The following NTNG2 variants were observed in gnomAD, a reference collection of about 807,000 sequenced individuals.
NTNG2 encodes the protein netrin G2.
A neutral mutation model predicts 47.6 loss-of-function variants in NTNG2; 15 were observed. The observed-to-expected ratio is 0.32, with a 90% CI of 0.21 to 0.49. NTNG2 has a LOEUF of 0.49. Ranked by LOEUF, NTNG2 falls within the 20% of genes least tolerant of loss-of-function variation. NTNG2 has a pLI of 0.99. For missense variants in NTNG2, 578 were observed against 764.6 expected (o/e 0.76, Z 2.88); for synonymous variants, 307 against 324.6 (o/e 0.95, Z 0.58).
At chr9:132,189,575 G>T (rs960373701) in intron 2 of NTNG2, among the ~76,000 whole-genome samples, 2 of 152,118 alleles carry the variant, frequency 1.3e-5, no homozygotes, top group South Asian at 4.1e-4. Context: ...CTTCAGGGAA[G>T]AAGGGCAGGG....
At chr9:132,195,127 T>G (rs1316405074) in intron 2 of NTNG2, among the ~76,000 whole-genome samples, 2 of 152,358 alleles carry the variant, frequency 1.3e-5, no homozygotes, top group South Asian at 4.1e-4. Flanking sequence ...CTTTCATTCA[T>G]TAATAGACTT....
At chr9:132,164,430 C>G (rs1835348917) in intron 1 of NTNG2, among the ~76,000 whole-genome samples, 2 of 152,156 alleles carry the variant, frequency 1.3e-5, no homozygotes, top group African/African-American at 4.8e-5. Flanking sequence ...CTGCGCCCTC[C>G]TTGCAAGCCG....
At chr9:132,179,094 C>T (rs1836727270) in intron 2 of NTNG2, among the ~76,000 whole-genome samples, 1 of 152,158 alleles carries the variant, frequency 6.6e-6, no homozygotes, top group South Asian at 2.1e-4. Context: ...ACCCTGGAGG[C>T]TCCACCCCAG....
At chr9:132,174,171 C>T (rs1264242382) in intron 2 of NTNG2, among the ~76,000 whole-genome samples, 11 of 144,536 alleles carry the variant, frequency 7.6e-5, no homozygotes, top group South Asian at 2.2e-4. Context: ...GACGGACGGA[C>T]GGACAGGCAG....
At chr9:132,216,412 CTCTGTGTGTGTGTGTA>C (rs1348914476) in intron 3 of NTNG2, among the ~76,000 whole-genome samples, 7 of 91,104 alleles carry the variant, frequency 7.7e-5, no homozygotes, top group South Asian at 3.6e-4. Flanking sequence ...CTCTCTCTCT[CTCTGTGTGTGTGTGTA>C]TGTGTGTGTG....
intron 2 of NTNG2, among the ~76,000 whole-genome samples, chr9:132,171,382 C>A (rs1361708060): frequency 6.6e-6 from 1 of 152,198 alleles, no homozygotes; most frequent in Non-Finnish European, 1.5e-5. Context: ...TTGGCAGAGA[C>A]TGTAAGTTCT....
Position 132,218,480 on chromosome 9 carries a change from GTTTTTTTGT to G in NTNG2, c.858-8355_858-8347del, listed in dbSNP as rs1480543015. ...TTGAGGCACAATGTGATAGCGTTTTGTTTTTTTGTTTTTTTTGTTTTTCTGGTTTTTTTG... is the reference window on the plus strand; with the variant it reads ...TTGAGGCACAATGTGATAGCGTTTTGTTTTTTTGTTTTTCTGGTTTTTTTG... On this transcript the variant is annotated intron_variant, in intron 3 of 7. Coordinates refer to ENST00000393229, the MANE Select transcript of NTNG2 (RefSeq NM_032536.4). This position sits in a 1 kb window ranked among gnomAD's most constrained non-coding sequence, Gnocchi z 5.4. 2.8e-5 allele frequency among the ~76,000 whole-genome samples: 3 copies of G among 107,298 alleles called. No individual in the cohort carries two copies. Among genetic ancestry groups the G allele is most frequent in the African/African-American group, 7.3e-5 (2 of 27,580 alleles). 70.4% of individuals were successfully genotyped at this position (107,298 alleles called of 152,430 possible). A position where few individuals can be genotyped will look rare whatever the true frequency, so the allele number is the denominator to read the frequency against.
chr9:132,224,107 G>A (rs1165332445), intron 3 of NTNG2, among the ~76,000 whole-genome samples: 5 of 152,162 alleles, frequency 3.3e-5, no homozygotes, highest in East Asian at 1.9e-4. Context: ...TGCACAACCC[G>A]TGGGCTCTTT....
At chr9:132,223,910 C>G (rs1840536778) in intron 3 of NTNG2, among the ~76,000 whole-genome samples, 1 of 151,864 alleles carries the variant, frequency 6.6e-6, no homozygotes, top group South Asian at 2.1e-4. Context: ...GTCTGGCCTC[C>G]TCCACCCCCC....
intron 2 of NTNG2, among the ~76,000 whole-genome samples, chr9:132,187,587 G>C (rs1837497624): frequency 6.8e-6 from 1 of 146,680 alleles, no homozygotes; most frequent in Admixed American, 6.8e-5. Flanking sequence ...GAGAGAGAGA[G>C]AGAGAGAGAG....
intron 2 of NTNG2, among the ~76,000 whole-genome samples, chr9:132,179,202 C>T (rs1248657219): frequency 1.3e-5 from 2 of 152,204 alleles, no homozygotes; most frequent in East Asian, 1.9e-4. Flanking sequence ...TCTGACTTCA[C>T]GTGATGGCAT....
At chr9:132,235,676 C>A (rs1841568651) in intron 5 of NTNG2, among the ~76,000 whole-genome samples, 1 of 152,196 alleles carries the variant, frequency 6.6e-6, no homozygotes, top group Admixed American at 6.5e-5. Flanking sequence ...CTACGGCTGC[C>A]CCTCTCTCGA....
intron 2 of NTNG2, among the ~76,000 whole-genome samples, chr9:132,194,164 C>T (rs1458994025): frequency 6.6e-6 from 1 of 152,190 alleles, no homozygotes; most frequent in African/African-American, 2.4e-5. Context: ...GCAGCAGAAG[C>T]AGCACTGGGA....
chr9:132,228,961 T>A (rs1445384159), intron 4 of NTNG2, among the ~76,000 whole-genome samples: 1 of 152,086 alleles, frequency 6.6e-6, no homozygotes, highest in Admixed American at 6.5e-5. Flanking sequence ...GAGGATCCAC[T>A]GTCCCCACCC....
intron 2 of NTNG2, among the ~76,000 whole-genome samples, chr9:132,176,784 G>A (rs1459407256): frequency 6.6e-6 from 1 of 152,160 alleles, no homozygotes; most frequent in Non-Finnish European, 1.5e-5. Flanking sequence ...TTCTACAGGT[G>A]CTGCACCTCT....
chr9:132,225,983 A>G (rs1368879186), intron 3 of NTNG2, among the ~76,000 whole-genome samples: 1 of 151,866 alleles, frequency 6.6e-6, no homozygotes, highest in Non-Finnish European at 1.5e-5. Flanking sequence ...GCTTGATCTG[A>G]TTCAGGTTCA....
At chr9:132,201,979 T>A (rs575545083) in intron 3 of NTNG2, among the ~76,000 whole-genome samples, 50 of 152,300 alleles carry the variant, frequency 3.3e-4, no homozygotes, top group South Asian at 2.5e-3. Context: ...CGCCACTACA[T>A]GGCAGACAGC....
At chr9:132,205,170 T>C (rs1228107025) in intron 3 of NTNG2, among the ~76,000 whole-genome samples, 2 of 152,192 alleles carry the variant, frequency 1.3e-5, no homozygotes, top group South Asian at 2.1e-4. Context: ...CCCATGTTTA[T>C]AGCAGCTTTA....
chr9:132,217,870 C>T (rs1840094125), intron 3 of NTNG2, among the ~76,000 whole-genome samples: 1 of 152,200 alleles, frequency 6.6e-6, no homozygotes, highest in African/African-American at 2.4e-5. Flanking sequence ...ATCTCTCAGT[C>T]ACCCAGAAAG....
Sources: allele counts gnomAD v4.1 joint callset (sites outside exome capture counted in the v4.1 genomes callset), GRCh38; gene constraint gnomAD v4.1.1; non-coding constraint Gnocchi (gnomAD v3.1); transcripts MANE v1.5; gene names NCBI Gene and HGNC (gene_info 2026-07-23, HGNC 2026-07-21).